Variants in APIP observed in about 807,000 individuals in gnomAD.
The protein encoded by APIP is APAF1 interacting protein.
A neutral mutation model predicts 32.0 loss-of-function variants in APIP; 32 were observed. The ratio of observed to expected loss-of-function variants is 1.00; its 90% CI spans 0.76 to 1.34. The LOEUF (loss-of-function observed/expected upper bound fraction) is 1.34. Among genes scored for constraint, APIP ranks in the 40% most tolerant of loss-of-function variants. The pLI is 0.00. For synonymous variants in APIP, 92 were observed against 94.8 expected (o/e 0.97, Z 0.17); for missense variants, 247 against 298.6 (o/e 0.83, Z 1.27).
chr11:34,915,807 C>A (rs1476945421), intron 1 of APIP: 4 of 226,228 alleles, frequency 1.8e-5, no homozygotes, highest in Non-Finnish European at 2.6e-5. Flanking sequence ...CTCCCGAGTG[C>A]CAAACGTCCC....
chr11:34,905,428 C>T (rs940282943), intron 1 of APIP, among the ~76,000 whole-genome samples: 1 of 152,156 alleles, frequency 6.6e-6, no homozygotes, highest in Non-Finnish European at 1.5e-5. Context: ...CCCTTAAAGA[C>T]CTAGCAGGCA....
chr11:34,905,988 C>T (rs1853445495), intron 1 of APIP, among the ~76,000 whole-genome samples: 1 of 152,210 alleles, frequency 6.6e-6, no homozygotes, highest in Non-Finnish European at 1.5e-5. Flanking sequence ...CAGGTGGACG[C>T]TTCTCACTTG....
At chr11:34,898,673 C>A (rs1853320284) in intron 1 of APIP, among the ~76,000 whole-genome samples, 1 of 151,928 alleles carries the variant, frequency 6.6e-6, no homozygotes, top group African/African-American at 2.4e-5. Context: ...CCCCCTCCTC[C>A]CCGCTCCCAC....
At chr11:34,891,170 C>A (rs187658269) in intron 2 of APIP, among the ~76,000 whole-genome samples, 1 of 152,216 alleles carries the variant, frequency 6.6e-6, no homozygotes, top group Admixed American at 6.5e-5. Flanking sequence ...ACAAAGAGTT[C>A]AAAATATCAG....
chr11:34,890,913 T>C (rs1853175946), intron 2 of APIP, among the ~76,000 whole-genome samples: 2 of 152,130 alleles, frequency 1.3e-5, no homozygotes, highest in Non-Finnish European at 2.9e-5. Flanking sequence ...CTATGTGAAA[T>C]ACAGTTATTC....
Position 34,883,918 on chromosome 11 carries a change from A to T in APIP, c.462-414T>A, listed in dbSNP as rs186121267. On this transcript the variant is annotated intron_variant, in intron 5 of 6. Transcript: ENST00000395787. ...TTAAGAATTTCCCAATTAATACAAA[A>T]TCACTGTATTTCATTTCTGCAGAAT... Among the ~76,000 whole-genome samples, 303 of 152,334 alleles carry T rather than the reference A, an allele frequency of 2.0e-3. 2 individuals carry two copies. The highest frequency in any genetic ancestry group is 4.2e-3 in the East Asian group (22 of 5,184).
intron 1 of APIP, among the ~76,000 whole-genome samples, chr11:34,905,986 C>T (rs192409777): frequency 3.8e-4 from 58 of 152,258 alleles, no homozygotes; most frequent in African/African-American, 1.3e-3. Context: ...GTCAGGTGGA[C>T]GCTTCTCACT....
rs762615901 is a variant in APIP at position 34,916,350 on chromosome 11, G to T, written c.-66C>A. 2 of 1,590,592 alleles carry T rather than the reference G, an allele frequency of 1.3e-6. No individual in the cohort carries two copies. The highest frequency in any genetic ancestry group is 2.7e-5 in the African/African-American group (2 of 74,324). ...GGCTTTGCGCGCGGCGCTTAGCCTG[G>T]GATACGGCAGCGAGGCCGCAAATGC... On this transcript the variant is annotated 5_prime_UTR_variant, in exon 1 of 7. Transcript: ENST00000395787.
At position 34,893,866 on chromosome 11, in the gene APIP, T is replaced by A. The variant is rs552798798; in HGVS notation, c.158+1144A>T. Among the ~76,000 whole-genome samples, 7 of 152,330 alleles carry A rather than the reference T, an allele frequency of 4.6e-5. No individual in the cohort carries two copies. The South Asian group carries it at 1.4e-3, about 32-fold the overall frequency. ...TTACATTCCATTCCTTAATATGCAA[T>A]GCAGCCTCCTTGGGGGCATGACTAT... On this transcript the variant is annotated intron_variant, in intron 2 of 6. Coordinates refer to ENST00000395787, the MANE Select transcript of APIP (RefSeq NM_015957.4).
intron 1 of APIP, among the ~76,000 whole-genome samples, chr11:34,902,188 T>C (rs1332776424): frequency 6.6e-6 from 1 of 152,238 alleles, no homozygotes; most frequent in African/African-American, 2.4e-5. Flanking sequence ...TCTCAACACC[T>C]GTTTGCCTTT....
intron 5 of APIP, among the ~76,000 whole-genome samples, chr11:34,886,021 T>C (rs1853064583): frequency 6.6e-6 from 1 of 152,146 alleles, no homozygotes; most frequent in Admixed American, 6.6e-5. Flanking sequence ...ATGTTAGTAG[T>C]TTATGTATTT....
At chr11:34,898,284 G>A (rs1853312245) in intron 1 of APIP, among the ~76,000 whole-genome samples, 2 of 152,048 alleles carry the variant, frequency 1.3e-5, no homozygotes, top group African/African-American at 4.8e-5. Context: ...TGCTTATCAC[G>A]ACTGCCATTC....
chr11:34,883,915 A>G (rs1304706960), intron 5 of APIP, among the ~76,000 whole-genome samples: 2 of 152,232 alleles, frequency 1.3e-5, no homozygotes, highest in Non-Finnish European at 2.9e-5. Flanking sequence ...CAATTAATAC[A>G]AAATCACTGT....
At chr11:34,886,902 G>A (rs1853082293) in intron 5 of APIP, among the ~76,000 whole-genome samples, 1 of 152,070 alleles carries the variant, frequency 6.6e-6, no homozygotes, top group Non-Finnish European at 1.5e-5. Flanking sequence ...AAATCACCTA[G>A]TGACACATTT....
At chr11:34,905,854 A>G (rs1853442240) in intron 1 of APIP, among the ~76,000 whole-genome samples, 1 of 152,120 alleles carries the variant, frequency 6.6e-6, no homozygotes, top group Admixed American at 6.5e-5. Context: ...ATGTTTGCTA[A>G]TAGTAGCGGC....
intron 3 of APIP, among the ~76,000 whole-genome samples, chr11:34,889,341 C>T (rs1307117138): frequency 2.0e-5 from 3 of 152,008 alleles, no homozygotes; most frequent in Admixed American, 1.3e-4. Flanking sequence ...TTTTTCCCCA[C>T]ATTTTGTTAG....
chr11:34,897,518 T>C (rs1319200494), intron 1 of APIP, among the ~76,000 whole-genome samples: 1 of 151,732 alleles, frequency 6.6e-6, no homozygotes, highest in Non-Finnish European at 1.5e-5. Context: ...ACAGAGAGGG[T>C]AAGGTTGGTA....
Position 34,895,119 on chromosome 11 carries a change from G to T in APIP, c.58-9C>A, listed in dbSNP as rs773542191. ...CTTGGATGCTCCTTGTCCTTAAAAA[G>T]AAGGTAATGATTTTTAAAACAGACA... On this transcript the variant is annotated splice_polypyrimidine_tract_variant and intron_variant, in intron 1 of 6. Transcript: ENST00000395787. 4 of 1,604,682 alleles carry T rather than the reference G, an allele frequency of 2.5e-6. No individual in the cohort carries two copies. Among genetic ancestry groups the T allele is most frequent in the South Asian group, 1.1e-5 (1 of 90,830 alleles).
intron 1 of APIP, among the ~76,000 whole-genome samples, chr11:34,902,906 C>T (rs1288886229): frequency 6.6e-6 from 1 of 152,158 alleles, no homozygotes; most frequent in Non-Finnish European, 1.5e-5. Flanking sequence ...AAAGGATGGC[C>T]AGCATGTCTC....
Sources: allele counts gnomAD v4.1 joint callset (sites outside exome capture counted in the v4.1 genomes callset), GRCh38; gene constraint gnomAD v4.1.1; transcripts MANE v1.5; gene names NCBI Gene and HGNC (gene_info 2026-07-23, HGNC 2026-07-21).